Variants in NTN1 observed in about 807,000 individuals in gnomAD.
The protein encoded by NTN1 is netrin 1.
NTN1 carries 11 observed loss-of-function variants against 54.2 expected under a neutral mutation model. The observed-to-expected ratio is 0.20, with a 90% CI of 0.13 to 0.34. The LOEUF (loss-of-function observed/expected upper bound fraction) is 0.34. NTN1 is among the 10% of genes least tolerant of loss of function. NTN1 has a pLI of 1.00. For synonymous variants in NTN1, 371 were observed against 382.0 expected, an observed-to-expected ratio of 0.97 and a Z score of 0.33; for missense variants, 740 against 893.1, an observed-to-expected ratio of 0.83 and a Z score of 2.18.
chr17:9,149,116 A>G (rs9912252), intron 2 of NTN1, among the ~76,000 whole-genome samples: 3,415 of 152,174 alleles, frequency 0.022, 143 homozygotes, highest in African/African-American at 0.077. Flanking sequence ...GACGGGAGCC[A>G]TTACAGATGG....
intron 3 of NTN1, among the ~76,000 whole-genome samples, chr17:9,163,454 C>T (rs946033180): frequency 7.1e-6 from 1 of 140,480 alleles, no homozygotes; most frequent in Admixed American, 7.6e-5. Context: ...GATATGTGCG[C>T]ACCGCCCCTC....
intron 6 of NTN1, among the ~76,000 whole-genome samples, chr17:9,224,303 CGAAG>C (rs1295748499): frequency 2.6e-5 from 4 of 152,160 alleles, no homozygotes; most frequent in African/African-American, 9.7e-5. Context: ...TTCGTAGACT[CGAAG>C]GAGCCCCTTA....
At chr17:9,092,961 C>CAT (rs2092117571) in intron 2 of NTN1, among the ~76,000 whole-genome samples, 3 of 152,078 alleles carry the variant, frequency 2.0e-5, no homozygotes, top group Admixed American at 1.3e-4. Flanking sequence ...GGTTTCACTG[C>CAT]GTTAGCCAGG....
At chr17:9,182,884 C>T (rs779533138) in intron 4 of NTN1, 32 bp from the exon 5 acceptor site, 2 of 1,611,576 alleles carry the variant, frequency 1.2e-6, no homozygotes, top group East Asian at 2.2e-5. Flanking sequence ...GTTTTCTCTC[C>T]TCCCCTCGCC....
chr17:9,022,176 G>T (rs1224174139), intron 1 of NTN1, 135 bp from the exon 2 acceptor site: 2 of 549,144 alleles, frequency 3.6e-6, no homozygotes, highest in East Asian at 7.4e-5. Flanking sequence ...GGACTTTGGG[G>T]GAGAGAGGCG....
At chr17:9,223,280 G>C (rs1223652420) in intron 6 of NTN1, among the ~76,000 whole-genome samples, 2 of 152,166 alleles carry the variant, frequency 1.3e-5, no homozygotes, top group Non-Finnish European at 2.9e-5. Flanking sequence ...GGCTGGGTGT[G>C]GTGGCTCACG....
intron 2 of NTN1, among the ~76,000 whole-genome samples, chr17:9,086,381 G>T (rs1191879723): frequency 1.3e-5 from 2 of 152,256 alleles, no homozygotes; most frequent in East Asian, 1.9e-4. Context: ...AGATCATTCG[G>T]TGGGTATTTC....
At chr17:9,206,598 A>G (rs1395013416) in intron 5 of NTN1, among the ~76,000 whole-genome samples, 1 of 152,066 alleles carries the variant, frequency 6.6e-6, no homozygotes, top group African/African-American at 2.4e-5. Context: ...ACTAGGCAGG[A>G]ATGACACGGG....
Position 9,078,796 on chromosome 17 carries a change from T to C in NTN1, c.1018+55405T>C, listed in dbSNP as rs1377997792. Among the ~76,000 whole-genome samples, 13 of 152,312 alleles carry C rather than the reference T, an allele frequency of 8.5e-5. 1 individual carries two copies. On this transcript the variant is annotated intron_variant, in intron 2 of 6. Coordinates refer to ENST00000173229, the MANE Select transcript of NTN1 (RefSeq NM_004822.3). ...CCCCTCTGAACTTCTCAAACAAGTA[T>C]TAGTGAGTCAGGCAGACAAAAAGTC...
intron 2 of NTN1, among the ~76,000 whole-genome samples, chr17:9,069,620 C>T (rs2092026440): frequency 6.6e-6 from 1 of 152,144 alleles, no homozygotes; most frequent in Non-Finnish European, 1.5e-5. Context: ...ACCTTGGAGG[C>T]CTCGCCCTGC....
intron 2 of NTN1, among the ~76,000 whole-genome samples, chr17:9,113,873 A>G (rs940153870): frequency 3.9e-5 from 6 of 152,060 alleles, no homozygotes; most frequent in East Asian, 1.9e-4. Flanking sequence ...TTAAATATAT[A>G]TGATTCAGGC....
intron 2 of NTN1, among the ~76,000 whole-genome samples, chr17:9,131,949 C>G (rs142926019): frequency 0.022 from 3,320 of 151,648 alleles, 143 homozygotes; most frequent in African/African-American, 0.076. Context: ...ACTACAGGCG[C>G]CCGCAACCAC....
At chr17:9,196,681 C>A (rs1904642805) in intron 5 of NTN1, among the ~76,000 whole-genome samples, 1 of 152,246 alleles carries the variant, frequency 6.6e-6, no homozygotes, top group Non-Finnish European at 1.5e-5. Flanking sequence ...TCCCCATTCC[C>A]CCCTCCAGAG....
Position 9,201,506 on chromosome 17 carries a change from G to A in NTN1, c.1411+18537G>A, listed in dbSNP as rs189038261. ...TAACTTGTCCCAAGGGGACTCAGGC[G>A]ACTGTTCCCCAGCTCTAGCAGGAGC... On this transcript the variant is annotated intron_variant, in intron 5 of 6. Transcript: ENST00000173229. Among the ~76,000 whole-genome samples, 22 of 152,312 alleles carry A rather than the reference G, an allele frequency of 1.4e-4. No individual in the cohort carries two copies. In the East Asian group the frequency reaches 3.7e-3, roughly 25 times the overall value.
At position 9,179,932 on chromosome 17, in the gene NTN1, C is replaced by T. The variant is rs1597522647; in HGVS notation, c.1333C>T (p.Arg445Cys). 3.1e-6 allele frequency: 5 copies of T among 1,613,788 alleles called. No homozygotes were observed. The highest frequency in any genetic ancestry group is 3.4e-6 in the Non-Finnish European group (4 of 1,179,966). ...NRCAKGYQQS[R>C]SPIAPCIKIP... ...CTGCGCCAAAGGCTACCAGCAGAGC[C>T]GCTCTCCCATCGCCCCCTGCATAAG... Residue 445 changes from arginine to cysteine, a missense_variant, in exon 4 of 7, where the codon CGC becomes TGC. Arg to Cys is a radical substitution (Grantham distance 180). Transcript: ENST00000173229.
Position 9,219,581 on chromosome 17 carries a change from A to G in NTN1, c.1412-1587A>G, listed in dbSNP as rs1905286072. Reference sequence around the variant, plus strand: ...TTGATCTTCATTGAGGCACCAGTCAATGTATCTCAGGACCTCGATGGAGGC... The same window carrying G: ...TTGATCTTCATTGAGGCACCAGTCAGTGTATCTCAGGACCTCGATGGAGGC... On this transcript the variant is annotated intron_variant, in intron 5 of 6. Transcript: ENST00000173229. This position sits in a 1 kb window ranked among gnomAD's most constrained non-coding sequence, Gnocchi z 4.5. Among the ~76,000 whole-genome samples the G allele has an allele frequency of 6.6e-6, 1 of 152,226 alleles. No homozygotes were observed. Among genetic ancestry groups the G allele is most frequent in the African/African-American group, 2.4e-5 (1 of 41,464 alleles).
intron 2 of NTN1, among the ~76,000 whole-genome samples, chr17:9,119,517 A>T (rs1471533323): frequency 7.0e-6 from 1 of 143,866 alleles, no homozygotes; most frequent in East Asian, 2.0e-4. Context: ...TTATTTATTT[A>T]TTAGAAACAA....
intron 2 of NTN1, among the ~76,000 whole-genome samples, chr17:9,070,877 C>G (rs2092029916): frequency 6.6e-6 from 1 of 152,250 alleles, no homozygotes; most frequent in Admixed American, 6.5e-5. Flanking sequence ...CAGGCATGAG[C>G]CACCGCACCC....
chr17:9,224,802 G>A (rs115551877), intron 6 of NTN1, among the ~76,000 whole-genome samples: 2,678 of 149,430 alleles, frequency 0.018, 90 homozygotes, highest in African/African-American at 0.061. Context: ...GTGGGGATGG[G>A]GTGGGGGGGC....
Sources: allele counts gnomAD v4.1 joint callset (sites outside exome capture counted in the v4.1 genomes callset), GRCh38; gene constraint gnomAD v4.1.1; non-coding constraint Gnocchi (gnomAD v3.1); transcripts MANE v1.5; gene names NCBI Gene and HGNC (gene_info 2026-07-23, HGNC 2026-07-21).